Variants in ERC1 observed in about 807,000 individuals in gnomAD.
ERC1 encodes the protein RAB6 interacting protein 2.
A neutral mutation model predicts 132.0 loss-of-function variants in ERC1; 56 were observed. The ratio of observed to expected loss-of-function variants is 0.42; its 90% CI spans 0.34 to 0.53. The LOEUF is 0.53. ERC1 is among the 20% of genes least tolerant of loss of function. The pLI, the probability that ERC1 is intolerant of heterozygous loss-of-function variation, is 0.03. For missense variants in ERC1, 1,202 were observed against 1,349.9 expected (o/e 0.89, Z 1.72); for synonymous variants, 478 against 476.1 (o/e 1.00, Z -0.05).
chr12:1,408,025 G>C (rs1461181071), intron 16 of ERC1, 124 bp from the exon 17 acceptor site: 1 of 652,364 alleles, frequency 1.5e-6, no homozygotes, highest in East Asian at 2.8e-5. Context: ...CCCATATTTA[G>C]TTTATTTTAT....
At position 1,281,337 on chromosome 12, in the gene ERC1, A is replaced by G. The variant is rs78419009; in HGVS notation, c.2620-8515A>G. Among the ~76,000 whole-genome samples the G allele has an allele frequency of 6.5e-3, 990 of 152,320 alleles. 11 individuals carry two copies. Among genetic ancestry groups the G allele is most frequent in the African/African-American group, 0.022 (929 of 41,574 alleles). On this transcript the variant is annotated intron_variant, in intron 14 of 18. Transcript: ENST00000360905. ...TGTTAACTCCCTAGCAAAGCAAAAAAAAAATGCCTTTTCAGAAGAGAAATT... is the reference window on the plus strand; with the variant it reads ...TGTTAACTCCCTAGCAAAGCAAAAAGAAAATGCCTTTTCAGAAGAGAAATT...
intron 14 of ERC1, among the ~76,000 whole-genome samples, chr12:1,264,848 T>A (rs547386892): frequency 1.3e-5 from 2 of 152,194 alleles, no homozygotes; most frequent in Admixed American, 6.5e-5. Flanking sequence ...GGTGTTATTT[T>A]GAGTTAAGGT....
chr12:1,482,267 T>G (rs534030221), intron 18 of ERC1, among the ~76,000 whole-genome samples: 2 of 152,224 alleles, frequency 1.3e-5, no homozygotes, highest in Non-Finnish European at 2.9e-5. Flanking sequence ...GTGTTTCCAT[T>G]TGAACTGACC....
intron 2 of ERC1, among the ~76,000 whole-genome samples, chr12:1,054,178 C>A (rs1972524856): frequency 6.6e-6 from 1 of 152,080 alleles, no homozygotes. Flanking sequence ...CTGTAAAAAT[C>A]ATGTATTCAA....
intron 15 of ERC1, among the ~76,000 whole-genome samples, chr12:1,329,312 GAAAA>G (rs2082700385): frequency 7.0e-6 from 1 of 142,756 alleles, no homozygotes; most frequent in African/African-American, 2.6e-5. Context: ...AAAAAAGAAA[GAAAA>G]GTCTTAGAAA....
chr12:1,082,101 T>C (rs1942285884), intron 2 of ERC1, among the ~76,000 whole-genome samples: 1 of 151,764 alleles, frequency 6.6e-6, no homozygotes, highest in African/African-American at 2.4e-5. Context: ...TGATCTTGGC[T>C]TACTGCAAAC....
chr12:1,164,740 A>T (rs1319815391), intron 8 of ERC1, among the ~76,000 whole-genome samples: 3 of 152,166 alleles, frequency 2.0e-5, no homozygotes, highest in African/African-American at 7.2e-5. Context: ...AGTATGTGAG[A>T]TGGAAGACAT....
chr12:1,047,839 GAC>G (rs928647505), intron 2 of ERC1, among the ~76,000 whole-genome samples: 1 of 152,026 alleles, frequency 6.6e-6, no homozygotes, highest in African/African-American at 2.4e-5. Context: ...AGATAGGACT[GAC>G]ACTTTAGTAA....
At chr12:1,441,709 A>G (rs1592090634) in intron 17 of ERC1, among the ~76,000 whole-genome samples, 1 of 152,186 alleles carries the variant, frequency 6.6e-6, no homozygotes, top group Admixed American at 6.5e-5. Context: ...GATTTTTTTA[A>G]ATCAATGTAT....
At chr12:1,302,834 A>T (rs1465677592) in intron 15 of ERC1, among the ~76,000 whole-genome samples, 1 of 152,040 alleles carries the variant, frequency 6.6e-6, no homozygotes, top group Non-Finnish European at 1.5e-5. Context: ...ATGGTGGCAC[A>T]CACCAGTGGT....
At chr12:1,402,614 A>AACACACACACACACACACACACACACACC (rs2091168265) in intron 16 of ERC1, among the ~76,000 whole-genome samples, 5 of 144,896 alleles carry the variant, frequency 3.5e-5, no homozygotes, top group African/African-American at 1.0e-4. Context: ...TGTAACCCCC[A>AACACACACACACACACACACACACACACC]ACACACACAC....
At chr12:1,104,995 C>A (rs1303099641) in intron 4 of ERC1, among the ~76,000 whole-genome samples, 171 bp downstream of exon 4, 1 of 152,082 alleles carries the variant, frequency 6.6e-6, no homozygotes, top group African/African-American at 2.4e-5. Context: ...GTTTTATTTC[C>A]TTTTACTTGT....
At chr12:1,389,128 A>G (rs2089709176) in intron 16 of ERC1, among the ~76,000 whole-genome samples, 1 of 152,208 alleles carries the variant, frequency 6.6e-6, no homozygotes, top group African/African-American at 2.4e-5. Context: ...TGGTCTGGCC[A>G]AGTAAGTGGA....
intron 15 of ERC1, among the ~76,000 whole-genome samples, chr12:1,322,712 A>C (rs1255413621): frequency 6.6e-6 from 1 of 152,040 alleles, no homozygotes; most frequent in African/African-American, 2.4e-5. Flanking sequence ...CTTTATTCTG[A>C]TTGAAATCTG....
At chr12:1,002,300 A>G (rs1232464062) in intron 1 of ERC1, among the ~76,000 whole-genome samples, 1 of 148,786 alleles carries the variant, frequency 6.7e-6, no homozygotes, top group Non-Finnish European at 1.5e-5. Flanking sequence ...CGGCCTCCCA[A>G]GTAACTGGGA....
intron 7 of ERC1, among the ~76,000 whole-genome samples, chr12:1,132,449 G>A (rs1220705884): frequency 2.6e-5 from 4 of 151,726 alleles, no homozygotes; most frequent in East Asian, 1.9e-4. Context: ...CACCTTTTTC[G>A]GTCACCAATT....
At chr12:1,050,866 G>C (rs937258965) in intron 2 of ERC1, among the ~76,000 whole-genome samples, 3 of 152,062 alleles carry the variant, frequency 2.0e-5, no homozygotes, top group African/African-American at 7.2e-5. Context: ...TTAGCTGAGC[G>C]TGGTGGCGCG....
chr12:1,205,353 T>C (rs988323061), intron 12 of ERC1, among the ~76,000 whole-genome samples: 1 of 151,422 alleles, frequency 6.6e-6, no homozygotes, highest in Non-Finnish European at 1.5e-5. Flanking sequence ...CTAATAATAA[T>C]AGCGATTATA....
At chr12:1,112,121 A>T in intron 5 of ERC1, 94 bp from the exon 6 acceptor site, 1 of 775,696 alleles carries the variant, frequency 1.3e-6, no homozygotes, top group Admixed American at 2.1e-5. Context: ...TATATAAGTT[A>T]TTGTTATTTC....
Sources: gnomAD v4.1 joint callset for allele counts (sites outside exome capture counted in the v4.1 genomes callset) on GRCh38, gnomAD v4.1.1 for gene constraint, MANE v1.5 for transcripts, NCBI Gene and HGNC (gene_info 2026-07-23, HGNC 2026-07-21) for gene names.